LRP1B: variants seen among roughly 807,000 people sequenced by gnomAD.
LRP1B encodes LDL receptor related protein 1B, also known as low-density lipoprotein receptor-related protein 1B.
LRP1B carries 217 observed loss-of-function variants against 556.6 expected under a neutral mutation model. That is an observed-to-expected ratio of 0.39 (90% CI 0.35 to 0.44). The LOEUF is 0.44. Ranked by LOEUF, LRP1B falls within the 20% of genes least tolerant of loss-of-function variation. The probability of loss-of-function intolerance (pLI) is 1.00; values close to 1 mark genes in which losing one functional copy is unlikely to be tolerated. For missense variants in LRP1B, 5,053 were observed against 5,620.8 expected (o/e 0.90, Z 3.23); for synonymous variants, 2,047 against 1,865.8 (o/e 1.10, Z -2.50).
chr2:141,971,007 A>G (rs1701715802), intron 1 of LRP1B, among the ~76,000 whole-genome samples: 1 of 151,540 alleles, frequency 6.6e-6, no homozygotes, highest in African/African-American at 2.4e-5. Flanking sequence ...ACTTTATAAC[A>G]ACTCATGCTA....
intron 3 of LRP1B, among the ~76,000 whole-genome samples, chr2:141,398,609 G>A (rs1281567618): frequency 6.6e-6 from 1 of 152,154 alleles, no homozygotes. Flanking sequence ...TGGCTAACAT[G>A]AGACTCTGGA....
intron 2 of LRP1B, among the ~76,000 whole-genome samples, chr2:141,742,780 T>C (rs573028549): frequency 2.0e-5 from 3 of 152,288 alleles, no homozygotes; most frequent in Admixed American, 6.5e-5. Context: ...TGGTGTCCTC[T>C]TCAGTTTCTA....
At chr2:140,750,476 A>G (rs985515026) in intron 35 of LRP1B, among the ~76,000 whole-genome samples, 4 of 152,316 alleles carry the variant, frequency 2.6e-5, no homozygotes, top group South Asian at 2.1e-4. Context: ...ATGTGCAAAC[A>G]TATGTGTGCA....
intron 35 of LRP1B, among the ~76,000 whole-genome samples, chr2:140,756,262 G>A (rs946010235): frequency 6.6e-6 from 1 of 152,104 alleles, no homozygotes; most frequent in South Asian, 2.1e-4. Context: ...ATCCTCAGTT[G>A]TTTTCTACAG....
At chr2:140,644,765 G>A (rs1559027855) in intron 41 of LRP1B, among the ~76,000 whole-genome samples, 1 of 151,952 alleles carries the variant, frequency 6.6e-6, no homozygotes, top group Non-Finnish European at 1.5e-5. Context: ...CGCTGTCCTG[G>A]TATATGACCC....
chr2:140,661,305 T>G (rs970917338), intron 41 of LRP1B, among the ~76,000 whole-genome samples: 6 of 151,138 alleles, frequency 4.0e-5, no homozygotes, highest in Admixed American at 2.6e-4. Flanking sequence ...GTACTGGAGG[T>G]CTATAGAGAA....
At chr2:140,685,219 G>C (rs777872070) in intron 41 of LRP1B, among the ~76,000 whole-genome samples, 1 of 152,082 alleles carries the variant, frequency 6.6e-6, no homozygotes, top group African/African-American at 2.4e-5. Context: ...TGTATGCTAT[G>C]GTTGTCATTT....
intron 41 of LRP1B, among the ~76,000 whole-genome samples, chr2:140,688,014 T>A (rs763020802): frequency 6.6e-6 from 1 of 152,148 alleles, no homozygotes; most frequent in African/African-American, 2.4e-5. Context: ...AGTTATAATA[T>A]GTACACTGTC....
intron 2 of LRP1B, among the ~76,000 whole-genome samples, chr2:141,580,447 T>C (rs1251688124): frequency 6.6e-6 from 1 of 152,220 alleles, no homozygotes; most frequent in Non-Finnish European, 1.5e-5. Context: ...ATTTTTGTCC[T>C]TGTTACCACA....
chr2:140,278,208 G>A (rs942973631), intron 84 of LRP1B, among the ~76,000 whole-genome samples: 1 of 151,962 alleles, frequency 6.6e-6, no homozygotes, highest in African/African-American at 2.4e-5. Context: ...TTATCTTACA[G>A]GAGAGGAGAA....
chr2:140,857,078 T>C (rs754324511), intron 27 of LRP1B, among the ~76,000 whole-genome samples: 3 of 152,196 alleles, frequency 2.0e-5, no homozygotes, highest in Non-Finnish European at 4.4e-5. Flanking sequence ...ATTCAAACTG[T>C]ATTTAATTAT....
intron 14 of LRP1B, 59 bp downstream of exon 14, chr2:141,013,497 C>G (rs2105385023): frequency 7.5e-7 from 1 of 1,331,080 alleles, no homozygotes; most frequent in South Asian, 1.5e-5. Context: ...TCTTTTATAA[C>G]TTCTGTGAAG....
intron 1 of LRP1B, among the ~76,000 whole-genome samples, chr2:141,904,348 A>C (rs568460974): frequency 6.6e-6 from 1 of 151,982 alleles, no homozygotes; most frequent in Admixed American, 6.6e-5. Flanking sequence ...ACCAGCACTT[A>C]CTGATAGCAA....
chr2:141,300,919 T>A (rs1433313091), intron 3 of LRP1B, among the ~76,000 whole-genome samples: 1 of 152,108 alleles, frequency 6.6e-6, no homozygotes, highest in East Asian at 1.9e-4. Flanking sequence ...CAGTGTTATA[T>A]GATGTCTGGA....
At chr2:141,835,381 G>T (rs1482341663) in intron 1 of LRP1B, among the ~76,000 whole-genome samples, 3 of 151,728 alleles carry the variant, frequency 2.0e-5, no homozygotes, top group African/African-American at 7.3e-5. Context: ...CAACTCCAGT[G>T]TGGACAAAGG....
intron 2 of LRP1B, among the ~76,000 whole-genome samples, chr2:141,715,348 G>A (rs1178306760): frequency 6.6e-6 from 1 of 152,066 alleles, no homozygotes; most frequent in African/African-American, 2.4e-5. Context: ...GTATGTGCCT[G>A]TTGTTCCAGC....
chr2:140,997,733 T>C (rs909619461), intron 15 of LRP1B, among the ~76,000 whole-genome samples: 1 of 151,986 alleles, frequency 6.6e-6, no homozygotes, highest in African/African-American at 2.4e-5. Flanking sequence ...CAGATTCTCT[T>C]ATTGCCTCTT....
Position 142,130,871 on chromosome 2 carries a change from A to C in LRP1B, c.-142T>G. On this transcript the variant is annotated 5_prime_UTR_variant, in exon 1 of 91. In the 5' UTR this introduces an upstream ATG that the reference lacks. Transcript: ENST00000389484. Reference sequence around the variant, plus strand: ...AATGTCACTGGAAATTCTTCAGCTCAATGAGTCCAGCCAGTCAGCCTTCTC... The same window carrying C: ...AATGTCACTGGAAATTCTTCAGCTCCATGAGTCCAGCCAGTCAGCCTTCTC... The C allele has an allele frequency of 2.8e-6, 2 of 722,138 alleles. No individual in the cohort carries two copies. The highest frequency in any genetic ancestry group is 4.9e-6 in the Non-Finnish European group (2 of 404,226). 44.7% of individuals were successfully genotyped at this position (722,138 alleles called of 1,614,324 possible). A position where few individuals can be genotyped will look rare whatever the true frequency, so the allele number is the denominator to read the frequency against.
At chr2:140,787,112 A>C (rs1018762286) in intron 32 of LRP1B, among the ~76,000 whole-genome samples, 1 of 152,260 alleles carries the variant, frequency 6.6e-6, no homozygotes, top group Non-Finnish European at 1.5e-5. Context: ...ATTTTAATTT[A>C]ATACATTTAT....
Sources: allele counts gnomAD v4.1 joint callset (sites outside exome capture counted in the v4.1 genomes callset), GRCh38; gene constraint gnomAD v4.1.1; transcripts MANE v1.5; gene names NCBI Gene and HGNC (gene_info 2026-07-23, HGNC 2026-07-21).